The following TJP1 variants were observed in gnomAD, a reference collection of about 807,000 sequenced individuals.
TJP1 encodes the protein tight junction protein 1, also known as tight junction protein ZO-1.
TJP1 carries 43 observed loss-of-function variants against 194.2 expected under a neutral mutation model. The observed-to-expected ratio is 0.22, with a 90% CI of 0.17 to 0.29. The LOEUF (loss-of-function observed/expected upper bound fraction) is 0.29, where lower values mean the gene tolerates loss of function less well. Among genes scored for constraint, TJP1 ranks in the 10% least tolerant of loss-of-function variants. The probability of loss-of-function intolerance (pLI) is 1.00; values close to 1 mark genes in which losing one functional copy is unlikely to be tolerated. For missense variants in TJP1, 1,971 were observed against 2,185.7 expected (o/e 0.90, Z 1.96); for synonymous variants, 801 against 779.0 (o/e 1.03, Z -0.47).
At chr15:29,938,145 G>C (rs973896703) in intron 2 of TJP1, among the ~76,000 whole-genome samples, 3 of 152,230 alleles carry the variant, frequency 2.0e-5, no homozygotes, top group Non-Finnish European at 4.4e-5. Flanking sequence ...GCAGTAACAT[G>C]AATGTATTGA....
intron 2 of TJP1, among the ~76,000 whole-genome samples, chr15:29,949,421 T>TC (rs1406862741): frequency 1.1e-4 from 14 of 126,026 alleles, no homozygotes; most frequent in African/African-American, 4.2e-4. Context: ...CACCTCTACC[T>TC]CCACAACCAC....
rs138605850 is a variant in TJP1, at chr15:29,894,533, C to T, written c.306+61699G>A. On this transcript the variant is annotated intron_variant, in intron 2 of 28. Transcript: ENST00000356107. Reference sequence around the variant, plus strand: ...AACATAGGTGTCTTGGCCTGTTGTGCGGCTATAACAAAATCCCATAGGCTG... The same window carrying T: ...AACATAGGTGTCTTGGCCTGTTGTGTGGCTATAACAAAATCCCATAGGCTG... Among the ~76,000 whole-genome samples, 357 of 152,298 alleles carry T rather than the reference C, an allele frequency of 2.3e-3. 2 individuals are homozygous for T. Among genetic ancestry groups the T allele is most frequent in the African/African-American group, 8.2e-3 (341 of 41,570 alleles).
At chr15:29,893,641 A>C (rs1464780906) in intron 2 of TJP1, among the ~76,000 whole-genome samples, 1 of 152,230 alleles carries the variant, frequency 6.6e-6, no homozygotes, top group African/African-American at 2.4e-5. Flanking sequence ...CTAAAGGTTC[A>C]GATAATCACT....
chr15:29,950,230 C>CACA (rs2055686098), intron 2 of TJP1, among the ~76,000 whole-genome samples: 1 of 149,020 alleles, frequency 6.7e-6, no homozygotes. Flanking sequence ...CCGCTACCTC[C>CACA]ACCACCACCA....
At chr15:29,943,465 T>A (rs941041597) in intron 2 of TJP1, among the ~76,000 whole-genome samples, 5 of 151,208 alleles carry the variant, frequency 3.3e-5, no homozygotes, top group African/African-American at 1.2e-4. Context: ...TCGTCTCTAC[T>A]GAAAACACAA....
At chr15:29,809,790 G>A (rs896688684) in intron 1 of TJP1, among the ~76,000 whole-genome samples, 1 of 151,874 alleles carries the variant, frequency 6.6e-6, no homozygotes, top group Non-Finnish European at 1.5e-5. Flanking sequence ...ACGTTACAGT[G>A]AGCCAAGGTC....
At chr15:29,799,778 G>A (rs780847819) in intron 2 of TJP1, among the ~76,000 whole-genome samples, 3 of 152,072 alleles carry the variant, frequency 2.0e-5, no homozygotes, top group Non-Finnish European at 2.9e-5. Context: ...CCAAACATTC[G>A]TGAGATAATC....
At chr15:29,752,423 G>C (rs2045351760) in intron 8 of TJP1, among the ~76,000 whole-genome samples, 1 of 151,912 alleles carries the variant, frequency 6.6e-6, no homozygotes. Context: ...TTTTTAAACG[G>C]GATATATGAT....
At chr15:29,887,639 G>T (rs2053164879) in intron 2 of TJP1, among the ~76,000 whole-genome samples, 3 of 151,978 alleles carry the variant, frequency 2.0e-5, no homozygotes, top group Non-Finnish European at 2.9e-5. Flanking sequence ...GAAAAAAAAT[G>T]ACTTTCTAAG....
At chr15:29,858,930 G>A (rs1365641938) in intron 2 of TJP1, among the ~76,000 whole-genome samples, 1 of 151,764 alleles carries the variant, frequency 6.6e-6, no homozygotes, top group African/African-American at 2.4e-5. Flanking sequence ...TGGGCTCAAG[G>A]CATCCTCCAG....
At chr15:29,923,991 C>T (rs1348976255) in intron 2 of TJP1, among the ~76,000 whole-genome samples, 2 of 152,234 alleles carry the variant, frequency 1.3e-5, no homozygotes, top group Non-Finnish European at 2.9e-5. Flanking sequence ...TGTTACTCCA[C>T]CTTTCTAAAA....
chr15:29,945,801 GCA>G (rs150588063), intron 2 of TJP1, among the ~76,000 whole-genome samples: 30,998 of 142,646 alleles, frequency 0.22, 3,622 homozygotes, highest in East Asian at 0.53. Flanking sequence ...ACACACACAC[GCA>G]CACACACAGA....
rs139602738 is a variant in TJP1 at position 29,923,428 on chromosome 15, C to T, written c.306+32804G>A. On this transcript the variant is annotated intron_variant, in intron 2 of 28. Transcript: ENST00000356107. ...GTCCTCAATTCCCTTTCTCTAACCG[C>T]AGACTCACAGGCCCTTCTGCTGATG... 8.1e-3 allele frequency among the ~76,000 whole-genome samples: 1,231 copies of T among 152,306 alleles called. 15 individuals are homozygous for T. The highest frequency in any genetic ancestry group is 0.027 in the African/African-American group (1,130 of 41,566).
intron 4 of TJP1, among the ~76,000 whole-genome samples, chr15:29,767,987 C>T (rs540757451): frequency 6.6e-6 from 1 of 152,162 alleles, no homozygotes. Context: ...CTGTCCTCTA[C>T]CTACTAAGCT....
intron 2 of TJP1, among the ~76,000 whole-genome samples, chr15:29,791,055 T>C (rs1215546393): frequency 6.6e-6 from 1 of 151,734 alleles, no homozygotes; most frequent in Non-Finnish European, 1.5e-5. Context: ...TTGGACGGAG[T>C]CTCACTCTGT....
chr15:29,726,796 G>A lies in TJP1; in HGVS notation c.2296C>T (p.His766Tyr). ...ERSHKLRKNN[H>Y]HLFTTTINLN... ...ACATACTCACTTGTAAAAAGATGGT[G>A]ATTATTTTTACGAAGTTTATGAGAT... is the stretch of plus-strand genomic sequence containing the variant. Residue 766 changes from histidine (H) to tyrosine (Y), a missense_variant, in exon 17 of 28, where the codon CAC (histidine) becomes TAC (tyrosine). His to Tyr is a moderately conservative substitution (Grantham distance 83). This residue lies in a region of TJP1 where 402 missense variants were observed against 484.2 expected (regional missense o/e 0.83). Transcript: ENST00000614355. 1.2e-6 allele frequency: 2 copies of A among 1,613,922 alleles called. No individual in the cohort carries two copies. The highest frequency in any genetic ancestry group is 8.5e-7 in the Non-Finnish European group (1 of 1,179,930).
At chr15:29,731,056 T>C in intron 15 of TJP1, 2 of 853,760 alleles carry the variant, frequency 2.3e-6, no homozygotes, top group East Asian at 2.4e-5. Flanking sequence ...TCAAGTTTTA[T>C]AAAAATGCAG....
intron 2 of TJP1, among the ~76,000 whole-genome samples, chr15:29,856,036 T>C (rs2051837958): frequency 1.3e-5 from 2 of 152,172 alleles, no homozygotes; most frequent in African/African-American, 4.8e-5. Context: ...CATTATTTCA[T>C]AAGAGCCAAA....
Position 29,772,207 on chromosome 15 carries a change from C to T in TJP1, c.210-41G>A, listed in dbSNP as rs544096071. 56 of 1,248,938 alleles carry T rather than the reference C, an allele frequency of 4.5e-5. No homozygotes were observed. The South Asian group carries it at 7.3e-4, about 16-fold the overall frequency. The allele number at this position is 1,248,938 out of a possible 1,614,324, so 77.4% of individuals were successfully genotyped here. Reference sequence around the variant, plus strand: ...CACAAAATAATATGTTAGAGAAAAACATTCTGGTAAGTTTATGATGATATT... The same window carrying T: ...CACAAAATAATATGTTAGAGAAAAATATTCTGGTAAGTTTATGATGATATT... On this transcript the variant is annotated intron_variant, in intron 3 of 27. Transcript: ENST00000614355.
Sources: allele counts gnomAD v4.1 joint callset (sites outside exome capture counted in the v4.1 genomes callset), GRCh38; gene constraint gnomAD v4.1.1; regional missense constraint gnomAD v4.1.1; transcripts MANE v1.5; gene names NCBI Gene and HGNC (gene_info 2026-07-23, HGNC 2026-07-21).